Variants in CHM observed in about 807,000 individuals in gnomAD.
CHM encodes rab proteins geranylgeranyltransferase component A 1.
A neutral mutation model predicts 49.0 loss-of-function variants in CHM; 10 were observed. That is an observed-to-expected ratio of 0.20 (90% CI 0.13 to 0.35). The LOEUF (loss-of-function observed/expected upper bound fraction) is 0.35, where lower values mean the gene tolerates loss of function less well. Among genes scored for constraint, CHM ranks in the 10% least tolerant of loss-of-function variants. The probability of loss-of-function intolerance (pLI) is 1.00; values close to 1 mark genes in which losing one functional copy is unlikely to be tolerated. For synonymous variants in CHM, 184 were observed against 167.5 expected (o/e 1.10, Z -0.76); for missense variants, 455 against 478.4 (o/e 0.95, Z 0.46).
chrX:85,949,973 A>C (rs1325915819), intron 8 of CHM, among the ~76,000 whole-genome samples: 1 of 57,006 alleles, frequency 1.8e-5, no homozygotes, highest in Admixed American at 2.0e-4. Context: ...TAAACACTGA[A>C]ATTAAATATA....
intron 2 of CHM, among the ~76,000 whole-genome samples, chrX:86,021,563 T>A (rs1026719869): frequency 1.4e-4 from 16 of 110,572 alleles, no homozygotes; most frequent in Admixed American, 1.4e-3. Context: ...AGCCAAAGAA[T>A]AGGAAGTTGG....
At chrX:85,989,706 G>T (rs886385777) in intron 2 of CHM, among the ~76,000 whole-genome samples, 2 of 107,782 alleles carry the variant, frequency 1.9e-5, no homozygotes, top group African/African-American at 6.6e-5. Context: ...CTTTTCAAAA[G>T]AAAACATACA....
chrX:85,916,297 A>T (rs770275218), intron 8 of CHM, among the ~76,000 whole-genome samples: 2 of 112,339 alleles, frequency 1.8e-5, no homozygotes, highest in Admixed American at 9.5e-5. Context: ...ATATATCTAA[A>T]TTAACTCAAG....
chrX:85,977,304 G>A (rs1056552375), intron 4 of CHM, among the ~76,000 whole-genome samples: 1 of 112,192 alleles, frequency 8.9e-6, no homozygotes, highest in Non-Finnish European at 1.9e-5. Flanking sequence ...TATGCTCCAC[G>A]CTCTAACTGG....
intron 2 of CHM, among the ~76,000 whole-genome samples, chrX:86,003,797 G>C (rs1932795522): frequency 8.9e-6 from 1 of 112,158 alleles, no homozygotes; most frequent in Admixed American, 9.4e-5. Context: ...TGCTGTATCT[G>C]AAAGTGATGG....
intron 8 of CHM, among the ~76,000 whole-genome samples, chrX:85,920,238 G>A (rs1281730727): frequency 9.1e-6 from 1 of 109,789 alleles, no homozygotes; most frequent in Non-Finnish European, 1.9e-5. Context: ...TGGGACTACA[G>A]GCGCCCACCA....
chrX:86,025,427 G>T, intron 2 of CHM, among the ~76,000 whole-genome samples: 1 of 111,090 alleles, frequency 9.0e-6, no homozygotes, highest in South Asian at 3.8e-4. Context: ...GGTAGTTCAT[G>T]CCTGTAATCC....
At chrX:86,017,580 T>C (rs1933355883) in intron 2 of CHM, among the ~76,000 whole-genome samples, 1 of 111,431 alleles carries the variant, frequency 9.0e-6, no homozygotes, top group Non-Finnish European at 1.9e-5. Flanking sequence ...CCTCCCGCCA[T>C]GATTCTGAGG....
At chrX:85,876,801 T>C (rs1924444380) in intron 13 of CHM, among the ~76,000 whole-genome samples, 1 of 111,572 alleles carries the variant, frequency 9.0e-6, no homozygotes, top group Non-Finnish European at 1.9e-5. Context: ...GGGATCACTT[T>C]AACTATTAAG....
intron 1 of CHM, among the ~76,000 whole-genome samples, chrX:86,041,452 C>A (rs914539606): frequency 9.1e-6 from 1 of 110,059 alleles, no homozygotes; most frequent in Admixed American, 9.8e-5. Flanking sequence ...ACGCTGACAA[C>A]GGAGTGTTTC....
chrX:85,969,531 G>A, intron 4 of CHM: 1 of 389,835 alleles, frequency 2.6e-6, no homozygotes, highest in Non-Finnish European at 3.3e-6. Context: ...AGCCATTATG[G>A]AAAACAGTAC....
chrX:85,866,206 G>C (rs1923680556), intron 14 of CHM, among the ~76,000 whole-genome samples: 1 of 112,248 alleles, frequency 8.9e-6, no homozygotes, highest in Admixed American at 9.4e-5. Flanking sequence ...CCACTGCTCT[G>C]TGCAGCCCTG....
intron 2 of CHM, among the ~76,000 whole-genome samples, chrX:85,986,299 T>C (rs1446400589): frequency 9.0e-6 from 1 of 111,261 alleles, no homozygotes; most frequent in African/African-American, 3.3e-5. Flanking sequence ...GTTACTCTGC[T>C]GCCTCCAAGT....
intron 12 of CHM, among the ~76,000 whole-genome samples, chrX:85,891,805 C>T (rs1925480241): frequency 9.0e-6 from 1 of 111,624 alleles, no homozygotes; most frequent in Admixed American, 9.4e-5. Flanking sequence ...GATGACAGAT[C>T]CACCAACAGG....
intron 9 of CHM, among the ~76,000 whole-genome samples, chrX:85,906,341 C>A (rs2148161195): frequency 8.9e-6 from 1 of 112,115 alleles, no homozygotes; most frequent in East Asian, 2.8e-4. Flanking sequence ...AGGTCTCCCC[C>A]ACCACTGGAT....
At chrX:85,887,339 T>A (rs2148135211) in intron 12 of CHM, among the ~76,000 whole-genome samples, 1 of 111,652 alleles carries the variant, frequency 9.0e-6, no homozygotes, top group Non-Finnish European at 1.9e-5. Context: ...AAGCTCTCTC[T>A]CTTTGCCTGC....
chrX:85,885,891 T>C (rs1925056282), intron 12 of CHM, among the ~76,000 whole-genome samples: 1 of 111,632 alleles, frequency 9.0e-6, no homozygotes, highest in African/African-American at 3.2e-5. Context: ...AGTAGTTGTT[T>C]GAAGGGAAAA....
At chrX:85,976,913 C>CAG (rs1274868648) in intron 4 of CHM, among the ~76,000 whole-genome samples, 1 of 103,487 alleles carries the variant, frequency 9.7e-6, no homozygotes, top group Non-Finnish European at 2.0e-5. Context: ...CACACACACA[C>CAG]AGAAAGAAAA....
At chrX:86,039,797 T>TAGAGACTACAGCTGGACATC (rs1934390020) in intron 1 of CHM, among the ~76,000 whole-genome samples, 1 of 111,333 alleles carries the variant, frequency 9.0e-6, no homozygotes, top group African/African-American at 3.3e-5. Flanking sequence ...AGTTGGACAT[T>TAGAGACTACAGCTGGACATC]AGAGACTACA....
Sources: allele counts gnomAD v4.1 joint callset (sites outside exome capture counted in the v4.1 genomes callset), GRCh38; gene constraint gnomAD v4.1.1; transcripts MANE v1.5; gene names NCBI Gene and HGNC (gene_info 2026-07-23, HGNC 2026-07-21).